Variants in TRIOBP observed in about 807,000 individuals in gnomAD.
TRIOBP encodes the protein TRIO and F-actin binding protein.
TRIOBP carries 169 observed loss-of-function variants against 238.8 expected under a neutral mutation model. The ratio of observed to expected loss-of-function variants is 0.71; its 90% CI spans 0.62 to 0.80. The LOEUF is 0.80. TRIOBP is among the 30% of genes least tolerant of loss of function. The probability of loss-of-function intolerance (pLI) is 0.00; values close to 1 mark genes in which losing one functional copy is unlikely to be tolerated. For missense variants in TRIOBP, 2,838 were observed against 3,122.6 expected, an observed-to-expected ratio of 0.91 and a Z score of 2.17; for synonymous variants, 1,150 against 1,274.4, an observed-to-expected ratio of 0.90 and a Z score of 2.08.
chr22:37,699,007 G>A (rs1022082469), intron 2 of TRIOBP, among the ~76,000 whole-genome samples: 4 of 152,062 alleles, frequency 2.6e-5, no homozygotes, highest in East Asian at 1.9e-4. Context: ...CAGGCATGAC[G>A]GTGCATGCCT....
Position 37,738,736 on chromosome 22 carries a change from T to C in TRIOBP, c.5184+17T>C. 2 of 1,613,144 alleles carry C rather than the reference T, an allele frequency of 1.2e-6. No homozygotes were observed. The highest frequency in any genetic ancestry group is 4.5e-5 in the East Asian group (2 of 44,858). ...GCAGACTCGGTAGCTGGGTCATGGG[T>C]GTGGGTACATACGGTGGGGAAGGGA... On this transcript the variant is annotated intron_variant, in intron 10 of 23. Coordinates refer to ENST00000644935, the MANE Select transcript of TRIOBP (RefSeq NM_001039141.3).
rs1468770265 is a variant in TRIOBP, at chr22:37,723,303, C to G, written c.747C>G (p.His249Gln). 6.2e-7 allele frequency: 1 copy of G among 1,614,136 alleles called. No homozygotes were observed. Among genetic ancestry groups the G allele is most frequent in the East Asian group, 2.2e-5 (1 of 44,884 alleles). ...TLTQASSMTP[H>Q]SGPRSTTSQA... is the part of the protein sequence containing the mutation. Reference sequence around the variant, plus strand: ...CCCAGGCTTCCTCCATGACACCACACAGTGGACCTCGAAGCACCACGTCTC... The same window carrying G: ...CCCAGGCTTCCTCCATGACACCACAGAGTGGACCTCGAAGCACCACGTCTC... Residue 249 changes from histidine (H) to glutamine (Q), a missense_variant, in exon 7 of 24, where the codon CAC becomes CAG. Transcript: ENST00000644935.
In TRIOBP at chr22:37,735,116, C is replaced by T. The variant is rs1416417332; in HGVS notation, c.4780C>T (p.Pro1594Ser). 1 of 1,608,772 alleles carries T rather than the reference C, an allele frequency of 6.2e-7. No homozygotes were observed. The highest frequency in any genetic ancestry group is 2.2e-5 in the East Asian group (1 of 44,712). ...CTTGGAGCTCCTGCAGGCCAGGCTG[C>T]CCCGCAAGGACCCAGCTGGACACAG... The part of the protein sequence containing the change: ...GLLELLQARL[P>S]RKDPAGHRDD... Residue 1594 changes from proline (P) to serine (S), a missense_variant, in exon 9 of 24, where the codon CCC becomes TCC. Pro to Ser is a moderately conservative substitution (Grantham distance 74, BLOSUM62 -1). This residue lies in a region of TRIOBP where 2,096 missense variants were observed against 2,137.4 expected (regional missense o/e 0.98). Transcript: ENST00000644935.
chr22:37,722,143 A>C (rs1010660433), intron 6 of TRIOBP, among the ~76,000 whole-genome samples: 1 of 152,128 alleles, frequency 6.6e-6, no homozygotes, highest in African/African-American at 2.4e-5. Flanking sequence ...CCATCCCTGC[A>C]CCTTTCCTAT....
At chr22:37,733,150 TGA>T in intron 7 of TRIOBP, 146 bp from the exon 8 acceptor site, 1 of 683,290 alleles carries the variant, frequency 1.5e-6, no homozygotes, top group Non-Finnish European at 2.7e-6. Context: ...ACTAAGGCCC[TGA>T]GAGTCATCCT....
chr22:37,716,080 G>A, intron 6 of TRIOBP, 146 bp downstream of exon 6: 1 of 784,766 alleles, frequency 1.3e-6, no homozygotes. Context: ...TCATGATGGA[G>A]CAGCCACAAT....
intron 11 of TRIOBP, among the ~76,000 whole-genome samples, chr22:37,748,864 T>A (rs1925422258): frequency 6.6e-6 from 1 of 152,116 alleles, no homozygotes; most frequent in Non-Finnish European, 1.5e-5. Context: ...GCTTGCCTAG[T>A]CATCGGAGGA....
intron 7 of TRIOBP, among the ~76,000 whole-genome samples, chr22:37,727,435 G>A (rs1336420681): frequency 3.3e-5 from 5 of 151,744 alleles, no homozygotes; most frequent in South Asian, 2.1e-4. Context: ...TGGGGAGGCC[G>A]AGGCGGGCGG....
chr22:37,710,900 G>A (rs1001056332), intron 4 of TRIOBP, among the ~76,000 whole-genome samples: 7 of 152,242 alleles, frequency 4.6e-5, no homozygotes, highest in Admixed American at 3.3e-4. Flanking sequence ...CACTCACCTT[G>A]CAGTGGGCAT....
rs1240949631 is a variant in TRIOBP at position 37,735,449 on chromosome 22, A to T, written c.5106+7A>T. On this transcript the variant is annotated splice_region_variant and intron_variant, in intron 9 of 23. Transcript: ENST00000644935. Reference sequence around the variant, plus strand: ...CAGCTTGCCAGAGCTGCAGGTAAGGAGGTTTCCACCCTCCCAAGGGTAGCC... The same window carrying T: ...CAGCTTGCCAGAGCTGCAGGTAAGGTGGTTTCCACCCTCCCAAGGGTAGCC... 2 of 1,554,020 alleles carry T rather than the reference A, an allele frequency of 1.3e-6. No individual in the cohort carries two copies. The highest frequency in any genetic ancestry group is 1.2e-5 in the South Asian group (1 of 84,930).
chr22:37,760,928 C>T (rs927165058), intron 17 of TRIOBP, among the ~76,000 whole-genome samples: 11 of 149,860 alleles, frequency 7.3e-5, no homozygotes, highest in South Asian at 2.1e-4. Context: ...GCCGAGATTG[C>T]GCCACGGCAC....
intron 5 of TRIOBP, among the ~76,000 whole-genome samples, chr22:37,715,169 T>C (rs1341657922): frequency 1.3e-5 from 2 of 151,908 alleles, no homozygotes; most frequent in African/African-American, 2.4e-5. Context: ...CGCCCACCAC[T>C]ATGCCTGGCT....
chr22:37,741,115 G>C (rs1342885936), intron 11 of TRIOBP, 83 bp downstream of exon 11: 24 of 1,517,222 alleles, frequency 1.6e-5, no homozygotes, highest in Non-Finnish European at 1.9e-5. Flanking sequence ...TTAAGCAAAG[G>C]AGAGAGAGTG....
At chr22:37,746,165 C>T in intron 11 of TRIOBP, 4 of 1,018,106 alleles carry the variant, frequency 3.9e-6, no homozygotes, top group Non-Finnish European at 4.7e-6. Context: ...CGCTGTTTGT[C>T]TCGGCTTCCC....
At chr22:37,756,120 C>T (rs1021845633) in intron 15 of TRIOBP, among the ~76,000 whole-genome samples, 13 of 152,242 alleles carry the variant, frequency 8.5e-5, no homozygotes, top group Admixed American at 5.2e-4. Context: ...ATGCCCATGG[C>T]GGGCTGGGAC....
At chr22:37,772,991 G>A (rs1926859370) in intron 23 of TRIOBP, among the ~76,000 whole-genome samples, 1 of 152,212 alleles carries the variant, frequency 6.6e-6, no homozygotes, top group Non-Finnish European at 1.5e-5. Context: ...GAGCTGGGCG[G>A]CACAGTGCAG....
chr22:37,755,666 A>G lies in TRIOBP; in HGVS notation c.5687+7A>G, dbSNP rs763458216. 5.6e-6 allele frequency: 9 copies of G among 1,613,256 alleles called. No homozygotes were observed. The South Asian group carries it at 6.6e-5, about 12-fold the overall frequency. On this transcript the variant is annotated splice_region_variant and intron_variant, in intron 15 of 23. Coordinates refer to ENST00000644935, the MANE Select transcript of TRIOBP (RefSeq NM_001039141.3). ...CAGCCCCAGATGTCACCAAGTACGT[A>G]CTAAGCTGGACTGGGGCCTTGAGGG...
intron 6 of TRIOBP, among the ~76,000 whole-genome samples, chr22:37,721,923 G>A (rs1200170878): frequency 6.6e-6 from 1 of 152,192 alleles, no homozygotes; most frequent in African/African-American, 2.4e-5. Context: ...CCAAGGTCAT[G>A]GCAACTCTGT....
Position 37,759,238 on chromosome 22 carries a change from C to T in TRIOBP, c.6298C>T (p.His2100Tyr). The change falls in exon 17 of 24, where the codon CAC becomes TAC. Residue 2100 changes from histidine (H) to tyrosine (Y), a missense_variant. By Grantham distance (83) the His-to-Tyr change is moderately conservative. Transcript: ENST00000644935. Reference protein sequence around the residue: ...QSALRSQEDGHIPPGYISQEA... With the variant: ...QSALRSQEDGYIPPGYISQEA... ...TGCACTGAGATCCCAGGAGGATGGC[C>T]ACATCCCCCCGGGCTACATCTCACA... is the stretch of plus-strand genomic sequence containing the variant. The T allele has an allele frequency of 6.2e-7, 1 of 1,613,012 alleles. No homozygotes were observed. Among genetic ancestry groups the T allele is most frequent in the Non-Finnish European group, 8.5e-7 (1 of 1,179,934 alleles).
Sources: allele counts gnomAD v4.1 joint callset (sites outside exome capture counted in the v4.1 genomes callset), GRCh38; gene constraint gnomAD v4.1.1; regional missense constraint gnomAD v4.1.1; transcripts MANE v1.5; gene names NCBI Gene and HGNC (gene_info 2026-07-23, HGNC 2026-07-21).